Variants in EPB41L2 observed in about 807,000 individuals in gnomAD.
The protein encoded by EPB41L2 is band 4.1-like protein 2.
Under a neutral mutation model 113.0 loss-of-function variants are expected in EPB41L2, and 43 were observed. The ratio of observed to expected loss-of-function variants is 0.38; its 90% CI spans 0.30 to 0.49. EPB41L2 has a LOEUF of 0.49. EPB41L2 is among the 20% of genes least tolerant of loss of function. The probability of loss-of-function intolerance (pLI) is 0.95; values close to 1 mark genes in which losing one functional copy is unlikely to be tolerated. For synonymous variants in EPB41L2, 442 were observed against 436.7 expected (o/e 1.01, Z -0.15); for missense variants, 1,147 against 1,223.4 (o/e 0.94, Z 0.93).
intron 10 of EPB41L2, among the ~76,000 whole-genome samples, chr6:130,891,503 C>T (rs1459005394): frequency 6.6e-6 from 1 of 152,160 alleles, no homozygotes; most frequent in East Asian, 1.9e-4. Context: ...GGCTAGAGTG[C>T]AGTGTTGCAA....
intron 4 of EPB41L2, among the ~76,000 whole-genome samples, chr6:130,923,742 G>A (rs1269873517): frequency 6.6e-6 from 1 of 152,124 alleles, no homozygotes; most frequent in East Asian, 1.9e-4. Context: ...CATCTCTGAG[G>A]GCAGAGTCAC....
Position 130,995,511 on chromosome 6 carries a change from A to C in EPB41L2, c.-14-39012T>G, listed in dbSNP as rs545710224. On this transcript the variant is annotated intron_variant, in intron 1 of 19. Coordinates refer to ENST00000337057, the MANE Select transcript of EPB41L2 (RefSeq NM_001431.4). Reference sequence around the variant, plus strand: ...GTGAGACCCTGTCTCAAAAATAATAATAAAATAAAATGTATAAAACCAAAC... The same window carrying C: ...GTGAGACCCTGTCTCAAAAATAATACTAAAATAAAATGTATAAAACCAAAC... Among the ~76,000 whole-genome samples, 57 of 152,298 alleles carry C rather than the reference A, an allele frequency of 3.7e-4. No homozygotes were observed. In the South Asian group the frequency reaches 5.0e-3, roughly 13 times the overall value.
intron 1 of EPB41L2, among the ~76,000 whole-genome samples, chr6:131,048,254 T>C (rs566268284): frequency 2.6e-4 from 40 of 152,182 alleles, no homozygotes; most frequent in African/African-American, 9.6e-4. Context: ...ACTTTAACAT[T>C]ACCTTGAGAA....
intron 10 of EPB41L2, 124 bp downstream of exon 10, chr6:130,894,220 A>T (rs1402387737): frequency 4.2e-6 from 3 of 707,806 alleles, no homozygotes; most frequent in Non-Finnish European, 7.5e-6. Context: ...GAGTCTCAGT[A>T]TGTTCCCCAG....
At chr6:130,843,953 T>TGCCCGAAAA (rs1475575001) in intron 19 of EPB41L2, among the ~76,000 whole-genome samples, 1 of 152,208 alleles carries the variant, frequency 6.6e-6, no homozygotes, top group Non-Finnish European at 1.5e-5. Flanking sequence ...TCTATGATCT[T>TGCCCGAAAA]GCCCGAAAAG....
At chr6:130,959,856 T>C (rs1396918843) in intron 1 of EPB41L2, among the ~76,000 whole-genome samples, 1 of 152,170 alleles carries the variant, frequency 6.6e-6, no homozygotes, top group African/African-American at 2.4e-5. Flanking sequence ...CCAAGATAAA[T>C]TGGCAGCTCT....
rs191074055 is a variant in EPB41L2 at position 130,890,772 on chromosome 6, A to G, written c.1488-306T>C. Among the ~76,000 whole-genome samples, 367 of 152,306 alleles carry G rather than the reference A, an allele frequency of 2.4e-3. 2 individuals are homozygous for G. The highest frequency in any genetic ancestry group is 7.6e-3 in the African/African-American group (317 of 41,572). ...TTGTATTAGCTTAAATCATTTATATAAACACATGTCTGAATTTTTGCTTCT... is the reference window on the plus strand; with the variant it reads ...TTGTATTAGCTTAAATCATTTATATGAACACATGTCTGAATTTTTGCTTCT... On this transcript the variant is annotated intron_variant, in intron 10 of 19. Transcript: ENST00000337057.
chr6:131,052,954 G>GGTGC (rs1346364704), intron 1 of EPB41L2, among the ~76,000 whole-genome samples: 1 of 151,850 alleles, frequency 6.6e-6, no homozygotes, highest in Non-Finnish European at 1.5e-5. Context: ...GGAGTGCTAT[G>GGTGC]GTGCGATCTT....
intron 14 of EPB41L2, chr6:130,876,862 G>T: frequency 2.8e-6 from 2 of 712,356 alleles, no homozygotes; most frequent in Non-Finnish European, 4.1e-6. Context: ...CTGACCCAGT[G>T]TGGGTCAATG....
At chr6:130,977,935 TA>T (rs1225196429) in intron 1 of EPB41L2, among the ~76,000 whole-genome samples, 1 of 152,206 alleles carries the variant, frequency 6.6e-6, no homozygotes, top group African/African-American at 2.4e-5. Context: ...CCTTTTCCCC[TA>T]AAAGTGGTGG....
intron 19 of EPB41L2, among the ~76,000 whole-genome samples, chr6:130,850,824 G>A (rs1778579589): frequency 6.6e-6 from 1 of 152,220 alleles, no homozygotes; most frequent in African/African-American, 2.4e-5. Context: ...ACGCATTAGA[G>A]CAGTGGTACC....
chr6:131,010,946 A>G (rs1188401081), intron 1 of EPB41L2, among the ~76,000 whole-genome samples: 2 of 152,194 alleles, frequency 1.3e-5, no homozygotes, highest in African/African-American at 2.4e-5. Flanking sequence ...GATCAAGCTA[A>G]GGCAACAATT....
At chr6:130,978,855 G>A (rs1425706412) in intron 1 of EPB41L2, 1 of 152,196 alleles carries the variant, frequency 6.6e-6, no homozygotes, top group Non-Finnish European at 1.5e-5. Flanking sequence ...GCTTCCCGAG[G>A]TGACACTTGA....
At chr6:130,878,020 C>G in intron 14 of EPB41L2, 84 bp downstream of exon 14, 1 of 1,360,188 alleles carries the variant, frequency 7.4e-7, no homozygotes, top group Non-Finnish European at 9.7e-7. Flanking sequence ...TTGTAACTTC[C>G]CTAGACTCAA....
intron 4 of EPB41L2, among the ~76,000 whole-genome samples, chr6:130,922,640 G>A (rs1803246595): frequency 6.6e-6 from 1 of 152,084 alleles, no homozygotes; most frequent in Non-Finnish European, 1.5e-5. Context: ...TACCTTTTAG[G>A]GTTATTCTGA....
intron 5 of EPB41L2, among the ~76,000 whole-genome samples, chr6:130,908,363 C>A (rs774476565): frequency 3.9e-5 from 6 of 152,094 alleles, no homozygotes; most frequent in Non-Finnish European, 8.8e-5. Context: ...AAAGATTGTT[C>A]CCCTTGCTTC....
At chr6:130,890,123 C>T (rs906774634) in intron 11 of EPB41L2, among the ~76,000 whole-genome samples, 171 bp downstream of exon 11, 5 of 151,954 alleles carry the variant, frequency 3.3e-5, no homozygotes, top group African/African-American at 1.2e-4. Context: ...CTCTAAAACA[C>T]AACAAAATTA....
chr6:130,850,063 C>T (rs1370470935), intron 19 of EPB41L2, among the ~76,000 whole-genome samples: 1 of 152,138 alleles, frequency 6.6e-6, no homozygotes, highest in African/African-American at 2.4e-5. Context: ...CATAGGGAAA[C>T]CCCGTCTCTA....
intron 11 of EPB41L2, among the ~76,000 whole-genome samples, chr6:130,886,283 T>A (rs935812469): frequency 1.3e-5 from 2 of 152,122 alleles, no homozygotes; most frequent in Non-Finnish European, 2.9e-5. Flanking sequence ...CCAAGCTACC[T>A]CTCAATCCAC....
Sources: gnomAD v4.1 joint callset for allele counts (sites outside exome capture counted in the v4.1 genomes callset) on GRCh38, gnomAD v4.1.1 for gene constraint, MANE v1.5 for transcripts, NCBI Gene and HGNC (gene_info 2026-07-23, HGNC 2026-07-21) for gene names.